Variants in NEMP2 observed in about 807,000 individuals in gnomAD.
NEMP2 encodes the protein UPF0571 transmembrane protein.
Under a neutral mutation model 54.2 loss-of-function variants are expected in NEMP2, and 53 were observed. That is an observed-to-expected ratio of 0.98 (90% CI 0.78 to 1.23). The LOEUF (loss-of-function observed/expected upper bound fraction) is 1.23, where lower values mean the gene tolerates loss of function less well. NEMP2 is among the 50% of genes most tolerant of loss of function. The pLI, the probability that NEMP2 is intolerant of heterozygous loss-of-function variation, is 0.00. For missense variants in NEMP2, 455 were observed against 511.3 expected (o/e 0.89, Z 1.06); for synonymous variants, 197 against 190.3 (o/e 1.04, Z -0.29).
rs1690429929 is a variant in NEMP2, at chr2:190,513,153, C to A, written c.953+1300G>T. On this transcript the variant is annotated intron_variant, in intron 7 of 8. Transcript: ENST00000409150. The surrounding 1 kb of genome is among the most constrained non-coding windows in gnomAD (Gnocchi z 5.3). ...AGAAGACAGATGGGCCACATCCCAC[C>A]AGCCAATGAGTATTTATGGTCTCTG... Among the ~76,000 whole-genome samples the A allele has an allele frequency of 6.6e-6, 1 of 152,196 alleles. No homozygotes were observed.
chr2:190,593,124 C>G, the NEMP2 span, among the ~76,000 whole-genome samples: 3 of 152,038 alleles, frequency 2.0e-5, no homozygotes, highest in African/African-American at 7.2e-5. The surrounding 1 kb of genome is among the most constrained non-coding windows in gnomAD (Gnocchi z 4.5). Flanking sequence ...CTATCTCAGG[C>G]AAAAGGACAT....
At position 190,534,463 on chromosome 2, in the gene NEMP2, C is replaced by A. The variant is rs933467836; in HGVS notation, c.97+96G>T. 3.6e-5 allele frequency: 45 copies of A among 1,253,322 alleles called. No individual in the cohort carries two copies. The East Asian group carries it at 1.2e-3, about 33-fold the overall frequency. 77.6% of individuals were successfully genotyped at this position (1,253,322 alleles called of 1,614,324 possible). On this transcript the variant is annotated intron_variant, in intron 1 of 8. Coordinates refer to ENST00000409150, the MANE Select transcript of NEMP2 (RefSeq NM_001142645.2). ...GGAGCGCCCGCCCCAGTGGGCCTCG[C>A]GGTGCCGCCCGGGCCAAAGAGCGCG...
chr2:190,432,278 C>T, the NEMP2 span, among the ~76,000 whole-genome samples: 2 of 152,192 alleles, frequency 1.3e-5, no homozygotes, highest in Admixed American at 6.5e-5. Flanking sequence ...CTGGGAACCT[C>T]CTGAAGAAAG....
At chr2:190,556,055 G>C in the NEMP2 span, among the ~76,000 whole-genome samples, 1 of 152,198 alleles carries the variant, frequency 6.6e-6, no homozygotes, top group Non-Finnish European at 1.5e-5. Context: ...TATCCCTGAT[G>C]AACATTGATG....
chr2:190,640,787 A>ATTTTTTTTTT, the NEMP2 span, among the ~76,000 whole-genome samples: 4 of 118,026 alleles, frequency 3.4e-5, no homozygotes, highest in African/African-American at 1.4e-4. Context: ...AACACATTCA[A>ATTTTTTTTTT]TTTTTTTTTT....
the NEMP2 span, among the ~76,000 whole-genome samples, chr2:190,566,413 G>C: frequency 6.6e-6 from 1 of 152,070 alleles, no homozygotes; most frequent in Non-Finnish European, 1.5e-5. Flanking sequence ...GAGCCCAGGA[G>C]TTTGAGACCA....
chr2:190,617,413 T>C, the NEMP2 span, among the ~76,000 whole-genome samples: 2 of 152,210 alleles, frequency 1.3e-5, no homozygotes, highest in Non-Finnish European at 2.9e-5. This position sits in a 1 kb window ranked among gnomAD's most constrained non-coding sequence, Gnocchi z 5.0. Flanking sequence ...AGTTGGATTT[T>C]ATATTCTTCC....
At chr2:190,452,018 TGATTCA>T in the NEMP2 span, among the ~76,000 whole-genome samples, 65 of 152,232 alleles carry the variant, frequency 4.3e-4, no homozygotes, top group Non-Finnish European at 7.1e-4. Flanking sequence ...CATCAGCTGA[TGATTCA>T]TGTACTATCT....
At chr2:190,619,362 T>C in the NEMP2 span, among the ~76,000 whole-genome samples, 2 of 150,262 alleles carry the variant, frequency 1.3e-5, no homozygotes, top group Admixed American at 6.6e-5. The surrounding 1 kb of genome is among the most constrained non-coding windows in gnomAD (Gnocchi z 5.5). Context: ...TAGCCAGATG[T>C]GGTGGTGTGA....
the NEMP2 span, chr2:190,435,862 C>A: frequency 2.2e-6 from 2 of 903,118 alleles, no homozygotes; most frequent in Non-Finnish European, 3.2e-6. Flanking sequence ...GATGAGAATT[C>A]TCTCTTGCAA....
intron 3 of NEMP2, 57 bp downstream of exon 3, chr2:190,518,895 A>C (rs1690658292): frequency 3.3e-6 from 5 of 1,516,452 alleles, no homozygotes; most frequent in Non-Finnish European, 4.4e-6. Flanking sequence ...AATTTATTGA[A>C]AAGTTACTCC....
chr2:190,500,473 T>C, downstream of NEMP2: 1 of 495,826 alleles, frequency 2.0e-6, no homozygotes. The surrounding 1 kb of genome is among the most constrained non-coding windows in gnomAD (Gnocchi z 5.3). Flanking sequence ...AGTTCTTTGC[T>C]TGGTTAGGTT....
upstream of NEMP2, among the ~76,000 whole-genome samples, chr2:190,538,362 CCATT>C (rs1691445535): frequency 1.3e-5 from 2 of 152,010 alleles, no homozygotes; most frequent in African/African-American, 4.8e-5. The surrounding 1 kb of genome is among the most constrained non-coding windows in gnomAD (Gnocchi z 4.1). Context: ...ATTTTTTAAT[CCATT>C]CATCTCATTG....
the NEMP2 span, among the ~76,000 whole-genome samples, chr2:190,587,294 C>T: frequency 3.9e-5 from 6 of 152,156 alleles, no homozygotes; most frequent in Admixed American, 3.3e-4. This position sits in a 1 kb window ranked among gnomAD's most constrained non-coding sequence, Gnocchi z 5.4. Flanking sequence ...ATAAAAGATT[C>T]AGTTTCCCTA....
the NEMP2 span, among the ~76,000 whole-genome samples, chr2:190,578,392 T>G: frequency 6.6e-6 from 1 of 152,164 alleles, no homozygotes; most frequent in Non-Finnish European, 1.5e-5. This position sits in a 1 kb window ranked among gnomAD's most constrained non-coding sequence, Gnocchi z 4.4. Flanking sequence ...ACATGCAGGC[T>G]GATGACTTTC....
the NEMP2 span, among the ~76,000 whole-genome samples, chr2:190,551,395 T>G: frequency 6.6e-6 from 1 of 151,914 alleles, no homozygotes; most frequent in African/African-American, 2.4e-5. Context: ...TCTTCTTTTT[T>G]CAATTTTCTA....
the NEMP2 span, among the ~76,000 whole-genome samples, chr2:190,466,613 G>A: frequency 1.3e-5 from 2 of 152,056 alleles, no homozygotes; most frequent in Non-Finnish European, 2.9e-5. Flanking sequence ...GCTTATTTTG[G>A]GCAAGTCATT....
the NEMP2 span, among the ~76,000 whole-genome samples, chr2:190,623,018 T>C: frequency 6.6e-6 from 1 of 152,114 alleles, no homozygotes; most frequent in Non-Finnish European, 1.5e-5. Context: ...CAAAAACCAG[T>C]AGCATTTATA....
At chr2:190,447,089 T>TAA in the NEMP2 span, among the ~76,000 whole-genome samples, 1 of 136,184 alleles carries the variant, frequency 7.3e-6, no homozygotes, top group Non-Finnish European at 1.7e-5. This position sits in a 1 kb window ranked among gnomAD's most constrained non-coding sequence, Gnocchi z 4.5. Flanking sequence ...ATAGGCTCAG[T>TAA]AAAAAAAAAA....
Sources: gnomAD v4.1 joint callset for allele counts (sites outside exome capture counted in the v4.1 genomes callset) on GRCh38, gnomAD v4.1.1 for gene constraint, Gnocchi (gnomAD v3.1) non-coding constraint, MANE v1.5 for transcripts, NCBI Gene and HGNC (gene_info 2026-07-23, HGNC 2026-07-21) for gene names.